The following RASSF7 variants were observed in gnomAD, a reference collection of about 807,000 sequenced individuals.
The protein encoded by RASSF7 is Ras association domain family member 7.
RASSF7 carries 41 observed loss-of-function variants against 33.8 expected under a neutral mutation model. That is an observed-to-expected ratio of 1.21 (90% CI 0.95 to 1.57). The LOEUF (loss-of-function observed/expected upper bound fraction) is 1.57, where lower values mean the gene tolerates loss of function less well. RASSF7 is among the 40% of genes most tolerant of loss of function. The pLI is 0.00. For missense variants in RASSF7, 622 were observed against 497.0 expected, an observed-to-expected ratio of 1.25 and a Z score of -2.39; for synonymous variants, 298 against 212.8, an observed-to-expected ratio of 1.40 and a Z score of -3.48.
chr11:563,551 C>T lies in RASSF7; in HGVS notation c.1035-7C>T, dbSNP rs747814714. The T allele has an allele frequency of 1.2e-5, 19 of 1,611,844 alleles. No individual in the cohort carries two copies. The East Asian group carries it at 4.0e-4, about 34-fold the overall frequency. Reference sequence around the variant, plus strand: ...CTGCAGCCACCTCAGCCTGTGTCCTCCCGCAGTGGCCCCCATGACGCAGAA... The same window carrying T: ...CTGCAGCCACCTCAGCCTGTGTCCTTCCGCAGTGGCCCCCATGACGCAGAA... On this transcript the variant is annotated splice_polypyrimidine_tract_variant and splice_region_variant and intron_variant, in intron 5 of 5. Coordinates refer to ENST00000397583, the MANE Select transcript of RASSF7 (RefSeq NM_003475.4).
Position 563,570 on chromosome 11 carries a change from C to G in RASSF7, c.1047C>G (p.Asp349Glu), listed in dbSNP as rs369335309. 2 of 1,612,196 alleles carry G rather than the reference C, an allele frequency of 1.2e-6. No individual in the cohort carries two copies. Among genetic ancestry groups the G allele is most frequent in the Admixed American group, 1.7e-5 (1 of 59,998 alleles). ...AQPRPRGGPH[D>E]AELLEVAAAP... ...TGTCCTCCCGCAGTGGCCCCCATGA[C>G]GCAGAACTCCTGGAGGTAGCAGCAG... The change falls in exon 6 of 6, where the codon GAC (aspartate) becomes GAG (glutamate). Residue 349 changes from aspartate to glutamate, a missense_variant. By Grantham distance (45) the Asp-to-Glu change is conservative (BLOSUM62 2). Coordinates refer to ENST00000397583, the MANE Select transcript of RASSF7 (RefSeq NM_003475.4).
chr11:563,219 C>T lies in RASSF7; in HGVS notation c.853C>T (p.Arg285Ter), dbSNP rs139977222. The T allele has an allele frequency of 1.1e-5, 17 of 1,596,038 alleles. No individual in the cohort carries two copies. In the African/African-American group the frequency reaches 1.9e-4, roughly 18 times the overall value. The change falls in exon 4 of 6, where the codon CGA becomes TGA. Residue 285 changes from arginine (R) to a stop codon, truncating the protein, a stop_gained. Transcript: ENST00000397583. LOFTEE classifies it high-confidence loss of function. ...AQAQELEELN[R>*]ELRQCNLQQF... The stretch of plus-strand genomic sequence containing the variant: ...GGCTCAGGAGCTGGAGGAGCTGAAC[C>T]GAGAGCTCCGTCAGTGCAACCTGCA...
chr11:563,148 G>C lies in RASSF7; in HGVS notation c.823-41G>C, dbSNP rs552683879. Reference sequence around the variant, plus strand: ...CCCTCCGGAGCACAAGGGCTGTGGAGCCCAGTGGCTGTGCCTCCTAAGGAT... The same window carrying C: ...CCCTCCGGAGCACAAGGGCTGTGGACCCCAGTGGCTGTGCCTCCTAAGGAT... On this transcript the variant is annotated intron_variant, in intron 3 of 5. Transcript: ENST00000397583. 84 of 1,522,116 alleles carry C rather than the reference G, an allele frequency of 5.5e-5. No homozygotes were observed. The East Asian group carries it at 1.7e-3, about 31-fold the overall frequency. 94.3% of individuals were successfully genotyped at this position (1,522,116 alleles called of 1,614,324 possible).
Position 562,726 on chromosome 11 carries a change from A to T in RASSF7, c.772A>T (p.Ser258Cys). The part of the protein sequence containing the change: ...QERQSAEVQG[S>C]LALVSRALEA... ...GCGGCAGAGTGCGGAGGTGCAGGGC[A>T]GCCTGGCTCTGGTGAGCCGGGCCCT... Residue 258 changes from serine to cysteine, a missense_variant, in exon 3 of 6, where the codon AGC (serine) becomes TGC (cysteine). Ser to Cys is a moderately radical substitution (Grantham distance 112, BLOSUM62 -1). Coordinates refer to ENST00000397583, the MANE Select transcript of RASSF7 (RefSeq NM_003475.4). The T allele has an allele frequency of 6.5e-7, 1 of 1,536,340 alleles. No individual in the cohort carries two copies. The highest frequency in any genetic ancestry group is 8.7e-7 in the Non-Finnish European group (1 of 1,144,322).
At chr11:563,339 G>A (rs1272130966) in intron 4 of RASSF7, 22 bp downstream of exon 4, 2 of 1,606,558 alleles carry the variant, frequency 1.2e-6, no homozygotes. Context: ...TCTGGGGGGA[G>A]GCTGGGAGGT....
chr11:562,164 G>T lies in RASSF7; in HGVS notation c.210G>T (p.Gln70His), dbSNP rs1170683251. Residue 70 changes from glutamine (Q) to histidine (H), a missense_variant, in exon 3 of 6, where the codon CAG (glutamine) becomes CAT (histidine). Transcript: ENST00000397583. Reference sequence around the variant, plus strand: ...CACAAGAGTGTCCAGTGGGCGCCCAGGCCACCTGCGGACAGTTTGCCAGCG... The same window carrying T: ...CACAAGAGTGTCCAGTGGGCGCCCATGCCACCTGCGGACAGTTTGCCAGCG... The part of the protein sequence containing the change: ...LLPQECPVGA[Q>H]ATCGQFASDV... 1 of 1,570,820 alleles carries T rather than the reference G, an allele frequency of 6.4e-7. No homozygotes were observed. Among genetic ancestry groups the T allele is most frequent in the Non-Finnish European group, 8.6e-7 (1 of 1,157,194 alleles).
chr11:562,690 G>A lies in RASSF7; in HGVS notation c.736G>A (p.Ala246Thr). ...SATERLHQDL[A>T]VQERQSAEVQ... ...CACTGAGCGCCTGCACCAGGACCTG[G>A]CTGTTCAGGAGCGGCAGAGTGCGGA... Residue 246 changes from alanine (A) to threonine (T), a missense_variant, in exon 3 of 6, where the codon GCT (alanine) becomes ACT (threonine). By Grantham distance (58) the Ala-to-Thr change is moderately conservative (BLOSUM62 0). Transcript: ENST00000397583. 1.3e-6 allele frequency: 2 copies of A among 1,543,740 alleles called. No individual in the cohort carries two copies. Among genetic ancestry groups the A allele is most frequent in the Non-Finnish European group, 1.7e-6 (2 of 1,146,816 alleles).
Position 562,551 on chromosome 11 carries a change from C to T in RASSF7, c.597C>T (p.Ala199=), listed in dbSNP as rs755061091. Residue 199 remains alanine, a synonymous_variant, in exon 3 of 6, where the codon GCC becomes GCT. Coordinates refer to ENST00000397583, the MANE Select transcript of RASSF7 (RefSeq NM_003475.4). ...GQARLQALSA[A]TAEHAARLQA... ...CACGCCTGCAGGCACTAAGTGCGGC[C>T]ACTGCTGAGCATGCCGCCCGGCTGC... The T allele has an allele frequency of 2.5e-5, 38 of 1,546,740 alleles. 1 individual carries two copies. The South Asian group carries it at 4.5e-4, about 18-fold the overall frequency.
chr11:562,134 G>T lies in RASSF7; in HGVS notation c.180G>T (p.Leu60Phe), dbSNP rs1017532612. 1.3e-6 allele frequency: 2 copies of T among 1,543,632 alleles called. No homozygotes were observed. The highest frequency in any genetic ancestry group is 4.0e-5 in the Admixed American group (2 of 50,532). ...VQRLREKERQ[L>F]LPQECPVGAQ... is the part of the protein sequence containing the mutation. ...GGCTTCGGGAGAAGGAGCGGCAGTTGCTGCCACAAGAGTGTCCAGTGGGCG... is the reference window on the plus strand; with the variant it reads ...GGCTTCGGGAGAAGGAGCGGCAGTTTCTGCCACAAGAGTGTCCAGTGGGCG... Residue 60 changes from leucine (L) to phenylalanine (F), a missense_variant, in exon 3 of 6, where the codon TTG (leucine) becomes TTT (phenylalanine). Leu to Phe is a conservative substitution (Grantham distance 22, BLOSUM62 0). Transcript: ENST00000397583.
chr11:563,509 A>G, intron 5 of RASSF7, 31 bp downstream of exon 5: 3 of 1,609,104 alleles, frequency 1.9e-6, no homozygotes, highest in Non-Finnish European at 2.5e-6. Context: ...CCCCTGGGGC[A>G]CCGGGCCCTC....
At position 561,022 on chromosome 11, in the gene RASSF7, G is replaced by C; in HGVS notation, c.-463G>C. 3.0e-6 allele frequency: 3 copies of C among 1,011,804 alleles called. No individual in the cohort carries two copies. Among genetic ancestry groups the C allele is most frequent in the Non-Finnish European group, 3.5e-6 (3 of 848,010 alleles). The allele number at this position is 1,011,804 out of a possible 1,614,324, so 62.7% of individuals were successfully genotyped here. On this transcript the variant is annotated 5_prime_UTR_variant, in exon 1 of 6. Transcript: ENST00000397583. ...GGCGCCGGAGCGGGTCTCCAGGCTG[G>C]CGAGCGCCCAGGTGAGCCGCGCCGG...
At chr11:561,696 G>T (rs187433455) in intron 1 of RASSF7, 66 bp from the exon 2 acceptor site, 2 of 1,601,302 alleles carry the variant, frequency 1.2e-6, no homozygotes, top group African/African-American at 2.7e-5. Flanking sequence ...AGAGGATGAG[G>T]AGAGGAGGAC....
At position 561,303 on chromosome 11, in the gene RASSF7, G is replaced by A; in HGVS notation, c.-182G>A. 1 of 987,342 alleles carries A rather than the reference G, an allele frequency of 1.0e-6. No homozygotes were observed. The highest frequency in any genetic ancestry group is 1.2e-6 in the Non-Finnish European group (1 of 831,194). The allele number at this position is 987,342 out of a possible 1,614,324, so 61.2% of individuals were successfully genotyped here. ...CGGCGGGGCTCCCCGGGCTGGCGGG[G>A]GCTGCTCAGACCCGGAGTCTGCTCC... On this transcript the variant is annotated 5_prime_UTR_variant, in exon 1 of 6. Coordinates refer to ENST00000397583, the MANE Select transcript of RASSF7 (RefSeq NM_003475.4).
chr11:561,598 A>C (rs956852330), intron 1 of RASSF7, 121 bp downstream of exon 1: 3 of 1,395,518 alleles, frequency 2.1e-6, no homozygotes, highest in Non-Finnish European at 2.8e-6. Context: ...CCGCCACCCC[A>C]GGAATGTGTG....
chr11:561,535 G>T, intron 1 of RASSF7, 58 bp downstream of exon 1: 1 of 1,409,074 alleles, frequency 7.1e-7, no homozygotes, highest in Non-Finnish European at 9.3e-7. Flanking sequence ...CCGGGAGTGC[G>T]AGCGTGGCAA....
chr11:561,965 C>T, intron 2 of RASSF7, 73 bp downstream of exon 2: 1 of 1,596,118 alleles, frequency 6.3e-7, no homozygotes, highest in Non-Finnish European at 8.5e-7. Context: ...GCTCCATGGT[C>T]TCCCCCAAGG....
At position 562,514 on chromosome 11, in the gene RASSF7, G is replaced by T. The variant is rs763841841; in HGVS notation, c.560G>T (p.Arg187Leu). Residue 187 changes from arginine to leucine, a missense_variant, in exon 3 of 6, where the codon CGA becomes CTA. Transcript: ENST00000397583. ...QELRREQARE[R>L]EGQARLQALS... ...CTGCGCCGGGAGCAGGCCCGGGAGC[G>T]AGAGGGACAGGCACGCCTGCAGGCA... The T allele has an allele frequency of 2.0e-5, 31 of 1,549,324 alleles. No homozygotes were observed. The highest frequency in any genetic ancestry group is 2.4e-5 in the South Asian group (2 of 84,058).
intron 2 of RASSF7, 28 bp from the exon 3 acceptor site, chr11:562,051 T>C (rs1309185611): frequency 1.6e-5 from 24 of 1,498,786 alleles, no homozygotes; most frequent in Non-Finnish European, 2.1e-5. Flanking sequence ...CGGGGGGACA[T>C]AGGCTGACCT....
chr11:563,133 C>T, intron 3 of RASSF7, 56 bp from the exon 4 acceptor site: 2 of 1,488,010 alleles, frequency 1.3e-6, no homozygotes, highest in Admixed American at 2.1e-5. Flanking sequence ...CCCTCCGGAG[C>T]ACAAGGGCTG....
Sources: allele counts gnomAD v4.1 joint callset, GRCh38; gene constraint gnomAD v4.1.1; transcripts MANE v1.5; gene names NCBI Gene and HGNC (gene_info 2026-07-23, HGNC 2026-07-21).